The following GRIA4 variants were observed in gnomAD, a reference collection of about 807,000 sequenced individuals.
GRIA4 encodes glutamate receptor 4.
In GRIA4, 34 loss-of-function variants were observed where a neutral mutation model predicts 104.0. The ratio of observed to expected loss-of-function variants is 0.33; its 90% confidence interval spans 0.25 to 0.44. The LOEUF is 0.44. Ranked by LOEUF, GRIA4 falls within the 20% of genes least tolerant of loss-of-function variation. The pLI is 1.00. For synonymous variants in GRIA4, 386 were observed against 381.9 expected (o/e 1.01, Z -0.13); for missense variants, 750 against 1,096.5 (o/e 0.68, Z 4.46).
At chr11:105,671,544 G>T (rs1952366241) in intron 3 of GRIA4, among the ~76,000 whole-genome samples, 1 of 151,548 alleles carries the variant, frequency 6.6e-6, no homozygotes, top group East Asian at 2.0e-4. Context: ...TGGGTGTGGT[G>T]GTAGGCACCT....
intron 3 of GRIA4, among the ~76,000 whole-genome samples, chr11:105,686,322 GT>G: frequency 6.6e-6 from 1 of 152,300 alleles, no homozygotes; most frequent in South Asian, 2.1e-4. Context: ...AGAACAAGTG[GT>G]TTTTGGTTTA....
rs150923757 is a variant in GRIA4 at position 105,702,690 on chromosome 11, C to CTTTTTTTTTTTTTTTTTTTTTTTTTTTT, written c.248-50288_248-50287insTTTTTTTTTTTTTTTTTTTTTTTTTTTT. Among the ~76,000 whole-genome samples the CTTTTTTTTTTTTTTTTTTTTTTTTTTTT allele has an allele frequency of 9.4e-5, 9 of 96,074 alleles. 4 individuals carry two copies. The highest frequency in any genetic ancestry group is 1.6e-4 in the African/African-American group (4 of 24,354). The allele number at this position is 96,074 out of a possible 152,430, so 63.0% of individuals were successfully genotyped here. A position where few individuals can be genotyped will look rare whatever the true frequency, so the allele number is the denominator to read the frequency against. On this transcript the variant is annotated intron_variant, in intron 3 of 16. Transcript: ENST00000282499. The stretch of plus-strand genomic sequence containing the variant: ...TTATAAGATATGCAAAATTATTTTC[C>CTTTTTTTTTTTTTTTTTTTTTTTTTTTT]TTTCTTTTTTTTTTTTTTTTTTTTG...
chr11:105,736,690 A>C (rs141724128), intron 3 of GRIA4, among the ~76,000 whole-genome samples: 43 of 152,206 alleles, frequency 2.8e-4, no homozygotes, highest in Non-Finnish European at 4.7e-4. Context: ...AATAGATATA[A>C]ATACATTTAA....
At chr11:105,690,577 C>T (rs959433292) in intron 3 of GRIA4, among the ~76,000 whole-genome samples, 1 of 152,140 alleles carries the variant, frequency 6.6e-6, no homozygotes, top group African/African-American at 2.4e-5. Context: ...CTGAAGCAAA[C>T]ATTCCAAATG....
At chr11:105,731,704 A>G (rs1042725025) in intron 3 of GRIA4, among the ~76,000 whole-genome samples, 1 of 152,204 alleles carries the variant, frequency 6.6e-6, no homozygotes, top group Non-Finnish European at 1.5e-5. Context: ...CCATAAAAAA[A>G]GAATGAGTTC....
chr11:105,941,280 T>A (rs1181203881), intron 14 of GRIA4, among the ~76,000 whole-genome samples: 1 of 152,222 alleles, frequency 6.6e-6, no homozygotes, highest in Admixed American at 6.5e-5. Context: ...ACAAATTTCA[T>A]ACTTCATGAA....
chr11:105,910,362 C>T lies in GRIA4; in HGVS notation c.1159-73C>T, dbSNP rs570651441. 11 of 745,472 alleles carry T rather than the reference C, an allele frequency of 1.5e-5. No individual in the cohort carries two copies. In the South Asian group the frequency reaches 1.5e-4, roughly 10 times the overall value. The allele number at this position is 745,472 out of a possible 1,614,324, so 46.2% of individuals were successfully genotyped here. ...GTTTTGTTTGCTTACCTATTCATAC[C>T]CTTCATTTTTCTAAGAAGAACTAGA... On this transcript the variant is annotated intron_variant, in intron 9 of 16. Coordinates refer to ENST00000282499, the MANE Select transcript of GRIA4 (RefSeq NM_000829.4).
At chr11:105,830,070 C>T (rs1387468306) in intron 4 of GRIA4, among the ~76,000 whole-genome samples, 3 of 151,968 alleles carry the variant, frequency 2.0e-5, no homozygotes, top group African/African-American at 7.2e-5. Flanking sequence ...TTCTCTATTG[C>T]CTGCTGCATG....
At chr11:105,910,301 T>C (rs1947189169) in intron 9 of GRIA4, 134 bp from the exon 10 acceptor site, 1 of 606,982 alleles carries the variant, frequency 1.6e-6, no homozygotes, top group African/African-American at 1.9e-5. Context: ...ACACTTTTTT[T>C]TTTTCTGTTG....
chr11:105,737,786 C>A (rs747445204), intron 3 of GRIA4, among the ~76,000 whole-genome samples: 2 of 152,054 alleles, frequency 1.3e-5, no homozygotes, highest in Non-Finnish European at 2.9e-5. Context: ...ATGAAATGAA[C>A]ATGAACTTTG....
chr11:105,807,668 C>A (rs1943005491), intron 4 of GRIA4, among the ~76,000 whole-genome samples: 1 of 151,724 alleles, frequency 6.6e-6, no homozygotes, highest in Admixed American at 6.6e-5. Flanking sequence ...TCAAAGAGAC[C>A]TATACATATC....
intron 7 of GRIA4, among the ~76,000 whole-genome samples, chr11:105,901,526 T>C (rs755700355): frequency 1.3e-5 from 2 of 152,208 alleles, no homozygotes; most frequent in Admixed American, 6.5e-5. Flanking sequence ...CTAGAACTTG[T>C]CAGCCCCTAA....
intron 5 of GRIA4, among the ~76,000 whole-genome samples, chr11:105,871,286 G>C (rs1013190745): frequency 2.6e-5 from 4 of 151,922 alleles, no homozygotes; most frequent in Non-Finnish European, 5.9e-5. Flanking sequence ...AAATAAATTT[G>C]TTTTGGCAAT....
At chr11:105,827,633 A>C (rs1050682104) in intron 4 of GRIA4, among the ~76,000 whole-genome samples, 3 of 152,008 alleles carry the variant, frequency 2.0e-5, no homozygotes, top group Non-Finnish European at 4.4e-5. Context: ...AAAACTGTCA[A>C]AATTTTCTTC....
At chr11:105,876,649 A>T (rs1945834432) in intron 5 of GRIA4, among the ~76,000 whole-genome samples, 1 of 152,094 alleles carries the variant, frequency 6.6e-6, no homozygotes, top group Non-Finnish European at 1.5e-5. Context: ...TGTTGCATTG[A>T]TCCCTTTACC....
chr11:105,861,765 T>C (rs954555475), intron 4 of GRIA4, among the ~76,000 whole-genome samples: 3 of 152,186 alleles, frequency 2.0e-5, no homozygotes, highest in African/African-American at 4.8e-5. Flanking sequence ...TCTACAGCAA[T>C]GCAATGTTCT....
chr11:105,810,854 C>T (rs552386034), intron 4 of GRIA4, among the ~76,000 whole-genome samples: 66 of 152,094 alleles, frequency 4.3e-4, no homozygotes, highest in Non-Finnish European at 6.0e-4. Context: ...AGTTGTAGGT[C>T]GCCTTCTCCA....
At chr11:105,891,320 T>C (rs1160443697) in intron 6 of GRIA4, among the ~76,000 whole-genome samples, 1 of 152,172 alleles carries the variant, frequency 6.6e-6, no homozygotes, top group African/African-American at 2.4e-5. Flanking sequence ...TGGATGTCTC[T>C]CCAAATGACA....
intron 14 of GRIA4, among the ~76,000 whole-genome samples, chr11:105,946,186 C>T (rs1275248406): frequency 6.6e-6 from 1 of 152,174 alleles, no homozygotes; most frequent in African/African-American, 2.4e-5. Flanking sequence ...TAACCTCTCA[C>T]TTTTTGTGTT....
Sources: allele counts gnomAD v4.1 joint callset (sites outside exome capture counted in the v4.1 genomes callset), GRCh38; gene constraint gnomAD v4.1.1; transcripts MANE v1.5; gene names NCBI Gene and HGNC (gene_info 2026-07-23, HGNC 2026-07-21).